Variants in RBFOX1 observed in about 807,000 individuals in gnomAD.
RBFOX1 encodes the protein RNA binding protein fox-1 homolog 1.
Under a neutral mutation model 57.7 loss-of-function variants are expected in RBFOX1, and 8 were observed. The observed-to-expected ratio is 0.14, with a 90% CI of 0.08 to 0.25. The LOEUF (loss-of-function observed/expected upper bound fraction) is 0.25, where lower values mean the gene tolerates loss of function less well. RBFOX1 is among the 10% of genes least tolerant of loss of function. The pLI, the probability that RBFOX1 is intolerant of heterozygous loss-of-function variation, is 1.00. For synonymous variants in RBFOX1, 326 were observed against 222.4 expected (o/e 1.47, Z -4.15); for missense variants, 611 against 548.5 (o/e 1.11, Z -1.14).
intron 3 of RBFOX1, chr16:6,721,915 T>C (rs2154164622): frequency 6.6e-6 from 1 of 151,634 alleles, no homozygotes. Flanking sequence ...ACCTGGCCTC[T>C]GCATTTCCAC....
At chr16:6,063,217 A>C (rs2095711227) in intron 1 of RBFOX1, among the ~76,000 whole-genome samples, 1 of 152,090 alleles carries the variant, frequency 6.6e-6, no homozygotes, top group Non-Finnish European at 1.5e-5. Context: ...AGCAAGAGGG[A>C]AAGAAAACTA....
chr16:6,329,546 C>T (rs551671821), intron 2 of RBFOX1, among the ~76,000 whole-genome samples: 139 of 152,238 alleles, frequency 9.1e-4, no homozygotes, highest in African/African-American at 3.2e-3. Context: ...GTGACAAAGG[C>T]GATTGTCTTC....
At chr16:6,917,999 A>G (rs1047477639) in intron 3 of RBFOX1, among the ~76,000 whole-genome samples, 7 of 152,254 alleles carry the variant, frequency 4.6e-5, no homozygotes, top group African/African-American at 1.2e-4. Flanking sequence ...AAAAATGTAC[A>G]TTTGTGGCCA....
chr16:6,399,132 G>C (rs60744505), intron 2 of RBFOX1, among the ~76,000 whole-genome samples: 53,491 of 152,100 alleles, frequency 0.35, 9,610 homozygotes, highest in East Asian at 0.55. Context: ...CTGTACCTTG[G>C]CCTCTTTTAA....
chr16:7,449,249 C>T lies in RBFOX1; in HGVS notation c.28-68898C>T, dbSNP rs140643255. Among the ~76,000 whole-genome samples, 507 of 152,174 alleles carry T rather than the reference C, an allele frequency of 3.3e-3. 1 individual carries two copies. Among genetic ancestry groups the T allele is most frequent in the African/African-American group, 0.012 (491 of 41,540 alleles). On this transcript the variant is annotated intron_variant, in intron 4 of 15. Coordinates refer to ENST00000550418, the MANE Select transcript of RBFOX1 (RefSeq NM_018723.4). ...CAGCCTGACATTTTTCAAATAAGGT[C>T]ATATTCTAAAGTTCTAGGTGGACAT...
intron 2 of RBFOX1, among the ~76,000 whole-genome samples, chr16:5,513,142 A>G (rs2151727301): frequency 6.6e-6 from 1 of 152,256 alleles, no homozygotes. Flanking sequence ...CTTGAACTCC[A>G]GGGCTCAAGT....
At chr16:5,590,622 T>C (rs2046976589) in intron 2 of RBFOX1, among the ~76,000 whole-genome samples, 1 of 152,112 alleles carries the variant, frequency 6.6e-6, no homozygotes, top group Non-Finnish European at 1.5e-5. Context: ...AAGATTCAAA[T>C]TCACTCCCAG....
chr16:5,356,142 C>T (rs1002628141), intron 1 of RBFOX1, among the ~76,000 whole-genome samples: 8 of 152,036 alleles, frequency 5.3e-5, no homozygotes, highest in African/African-American at 9.7e-5. Flanking sequence ...AGGGGAAGGC[C>T]GTGTGCAGGT....
chr16:7,148,939 A>C (rs1475667870), intron 4 of RBFOX1, among the ~76,000 whole-genome samples: 2 of 152,212 alleles, frequency 1.3e-5, no homozygotes, highest in African/African-American at 4.8e-5. Context: ...AGTCTGATGC[A>C]TTTCATTTCA....
intron 3 of RBFOX1, among the ~76,000 whole-genome samples, chr16:7,027,102 C>T (rs972011551): frequency 5.3e-5 from 8 of 152,236 alleles, no homozygotes; most frequent in East Asian, 1.9e-4. Flanking sequence ...TTCCTGAACC[C>T]GTCTCTCCTA....
chr16:6,681,644 C>T (rs908258414), intron 3 of RBFOX1, among the ~76,000 whole-genome samples: 9 of 147,024 alleles, frequency 6.1e-5, no homozygotes, highest in Non-Finnish European at 1.2e-4. Context: ...ATCACAATTG[C>T]CCCCCTCCAC....
intron 3 of RBFOX1, among the ~76,000 whole-genome samples, chr16:5,639,841 C>A (rs1439660630): frequency 6.6e-6 from 1 of 152,206 alleles, no homozygotes; most frequent in Admixed American, 6.5e-5. Context: ...TTGTGAGTTT[C>A]TTCATCTTGT....
At chr16:6,931,156 G>A (rs569699761) in intron 3 of RBFOX1, among the ~76,000 whole-genome samples, 4 of 151,824 alleles carry the variant, frequency 2.6e-5, no homozygotes, top group Admixed American at 6.6e-5. Context: ...AGAACACATT[G>A]ACCTTTCTTT....
At chr16:7,533,437 T>G (rs1200355480) in intron 5 of RBFOX1, among the ~76,000 whole-genome samples, 1 of 152,168 alleles carries the variant, frequency 6.6e-6, no homozygotes. Flanking sequence ...TCCTTTAAAA[T>G]TGAGACCTAT....
chr16:5,551,147 G>C (rs890019463), intron 2 of RBFOX1, among the ~76,000 whole-genome samples: 1 of 152,178 alleles, frequency 6.6e-6, no homozygotes, highest in Non-Finnish European at 1.5e-5. Flanking sequence ...TGAGAGTTGA[G>C]GTGTTTTTCT....
At chr16:7,388,305 G>T in intron 4 of RBFOX1, among the ~76,000 whole-genome samples, 1 of 152,054 alleles carries the variant, frequency 6.6e-6, no homozygotes, top group East Asian at 1.9e-4. Context: ...TTGCTTTCTG[G>T]GGAAATTCCT....
chr16:5,314,111 C>T (rs1332640646), intron 1 of RBFOX1, among the ~76,000 whole-genome samples: 1 of 152,210 alleles, frequency 6.6e-6, no homozygotes, highest in Non-Finnish European at 1.5e-5. Flanking sequence ...ACCCTCTTGA[C>T]AATCTGATGA....
At chr16:7,672,524 G>A (rs534535383) in intron 13 of RBFOX1, among the ~76,000 whole-genome samples, 2 of 152,200 alleles carry the variant, frequency 1.3e-5, no homozygotes, top group South Asian at 2.1e-4. Context: ...AACTTTCACT[G>A]TCACATTTCA....
chr16:7,109,767 A>G (rs192355891), intron 4 of RBFOX1, among the ~76,000 whole-genome samples: 1 of 152,230 alleles, frequency 6.6e-6, no homozygotes, highest in Admixed American at 6.5e-5. Context: ...GACTCCTTTG[A>G]GCAATTTCAT....
Sources: gnomAD v4.1 joint callset for allele counts (sites outside exome capture counted in the v4.1 genomes callset) on GRCh38, gnomAD v4.1.1 for gene constraint, MANE v1.5 for transcripts, NCBI Gene and HGNC (gene_info 2026-07-23, HGNC 2026-07-21) for gene names.